The following MAGEA11 variants were observed in gnomAD, a reference collection of about 807,000 sequenced individuals.
MAGEA11 encodes MAGE family member A11.
A neutral mutation model predicts 8.4 loss-of-function variants in MAGEA11; 1 was observed. The ratio of observed to expected loss-of-function variants is 0.12; its 90% confidence interval spans 0.04 to 0.57. The LOEUF is 0.57. Among genes scored for constraint, MAGEA11 ranks in the 20% least tolerant of loss-of-function variants. The pLI is 0.91. For synonymous variants in MAGEA11, 127 were observed against 119.3 expected (o/e 1.06, Z -0.42); for missense variants, 209 against 317.3 (o/e 0.66, Z 2.59).
rs192658537 is a variant in MAGEA11, at chrX:149,694,407, G to T, written c.9+5423G>T. The stretch of plus-strand genomic sequence containing the variant: ...AAATCCTTTGCTCATTTTAAATGGG[G>T]TTATGTGTTTTAATTGTTAAAATGT... On this transcript the variant is annotated intron_variant, in intron 1 of 3. Coordinates refer to the MAGEA11 transcript ENST00000333104. Among the ~76,000 whole-genome samples the T allele has an allele frequency of 6.2e-5, 7 of 112,054 alleles. No individual in the cohort carries two copies. The Admixed American group carries it at 6.6e-4, about 11-fold the overall frequency.
At chrX:149,699,503 G>A (rs782547480) in intron 1 of MAGEA11, among the ~76,000 whole-genome samples, 1 of 111,869 alleles carries the variant, frequency 8.9e-6, no homozygotes, top group East Asian at 2.8e-4. Flanking sequence ...GAGATATTAG[G>A]CTGTCAGATA....
At position 149,689,164 on chromosome X, in the gene MAGEA11, A is replaced by G. The variant is rs1448119912; in HGVS notation, c.9+180A>G. The stretch of plus-strand genomic sequence containing the variant: ...CAGAGAACCTGTGTCCTGTGACTAT[A>G]AAAGTGGGTCTATATGTCAGCAGAT... On this transcript the variant is annotated intron_variant, in intron 1 of 3. Coordinates refer to the MAGEA11 transcript ENST00000333104. 2.7e-5 allele frequency among the ~76,000 whole-genome samples: 3 copies of G among 112,025 alleles called. No individual in the cohort carries two copies. In the East Asian group the frequency reaches 8.4e-4, roughly 31 times the overall value.
At chrX:149,704,176 C>G (rs1305891113) in intron 1 of MAGEA11, among the ~76,000 whole-genome samples, 42 of 111,979 alleles carry the variant, frequency 3.8e-4, no homozygotes. Flanking sequence ...AATGGCCTCT[C>G]TCCTGTTCTA....
At chrX:149,713,089 A>T in intron 1 of MAGEA11, 54 bp from the exon 2 acceptor site, 1 of 828,034 alleles carries the variant, frequency 1.2e-6, no homozygotes. Context: ...AGCACCCCAG[A>T]ACAGCCCCCC....
At chrX:149,690,368 C>A (rs190698705) in intron 1 of MAGEA11, among the ~76,000 whole-genome samples, 2 of 112,607 alleles carry the variant, frequency 1.8e-5, no homozygotes, top group Admixed American at 1.9e-4. Flanking sequence ...GAGTTCACAG[C>A]ACTCTCTCTG....
At chrX:149,692,698 C>G (rs1334540244) in intron 1 of MAGEA11, among the ~76,000 whole-genome samples, 1 of 111,760 alleles carries the variant, frequency 8.9e-6, no homozygotes, top group Non-Finnish European at 1.9e-5. Context: ...CCACTATATT[C>G]TTTAACATGT....
At chrX:149,698,012 C>A (rs2090337059) in intron 1 of MAGEA11, among the ~76,000 whole-genome samples, 1 of 112,469 alleles carries the variant, frequency 8.9e-6, no homozygotes, top group Admixed American at 9.4e-5. Context: ...CCACGTGGAA[C>A]TATTAATCAA....
intron 1 of MAGEA11, among the ~76,000 whole-genome samples, chrX:149,691,743 A>C (rs2090311396): frequency 8.9e-6 from 1 of 112,262 alleles, no homozygotes; most frequent in African/African-American, 3.2e-5. Flanking sequence ...TTTGTTCTGC[A>C]AATTTTAGTC....
rs782393534 is a variant in MAGEA11, at chrX:149,713,273, C to T, written c.96+18C>T. The T allele has an allele frequency of 4.6e-6, 5 of 1,076,019 alleles. No homozygotes were observed. The Admixed American group carries it at 1.0e-4, about 22-fold the overall frequency. 88.7% of individuals were successfully genotyped at this position (1,076,019 alleles called of 1,213,427 possible). A position where few individuals can be genotyped will look rare whatever the true frequency, so the allele number is the denominator to read the frequency against. On this transcript the variant is annotated intron_variant, in intron 2 of 4. Coordinates refer to ENST00000355220, the MANE Select transcript of MAGEA11 (RefSeq NM_005366.5). The stretch of plus-strand genomic sequence containing the variant: ...GACTCCAGGTCAGTAGGGACCTTGG[C>T]CCTTGGAGTTCCAAGGCACGGTGGC...
intron 1 of MAGEA11, among the ~76,000 whole-genome samples, chrX:149,701,167 G>T (rs1156798602): frequency 7.2e-5 from 8 of 110,657 alleles, no homozygotes; most frequent in African/African-American, 1.6e-4. Flanking sequence ...GTTGAACTAG[G>T]TTACAGTCCC....
At chrX:149,692,898 T>C (rs2090316170) in intron 1 of MAGEA11, among the ~76,000 whole-genome samples, 2 of 111,869 alleles carry the variant, frequency 1.8e-5, no homozygotes, top group Admixed American at 1.9e-4. Context: ...TCTCTCTCTT[T>C]TTGCTTGCTG....
rs782055436 is a variant in MAGEA11 at position 149,714,573 on chromosome X, C to A, written c.189C>A (p.Val63=). ...AGTGGTCCCAGGATCTGCCAAGAGT[C>A]CAGGTGAGAAACCTGAGGGAGGATT... is the stretch of plus-strand genomic sequence containing the variant. ...QLQWSQDLPR[V]QVFREQANLE... The change falls in exon 3 of 5, where the codon GTC becomes GTA. Residue 63 remains valine (V), a synonymous_variant. Coordinates refer to ENST00000355220, the MANE Select transcript of MAGEA11 (RefSeq NM_005366.5). The A allele has an allele frequency of 6.6e-6, 8 of 1,210,306 alleles. No homozygotes were observed. Among genetic ancestry groups the A allele is most frequent in the Non-Finnish European group, 8.9e-6 (8 of 894,817 alleles).
At chrX:149,707,022 C>T (rs2090380430) in intron 1 of MAGEA11, among the ~76,000 whole-genome samples, 1 of 112,483 alleles carries the variant, frequency 8.9e-6, no homozygotes, top group Non-Finnish European at 1.9e-5. Flanking sequence ...GGAGCACAAA[C>T]CAGAAGCTGG....
At chrX:149,714,669 A>G in intron 3 of MAGEA11, 93 bp downstream of exon 3, 1 of 1,143,813 alleles carries the variant, frequency 8.7e-7, no homozygotes, top group Non-Finnish European at 1.2e-6. Context: ...CTCCCCAGAG[A>G]GCATGTGCAG....
intron 1 of MAGEA11, among the ~76,000 whole-genome samples, chrX:149,704,170 G>A (rs2090365996): frequency 8.9e-6 from 1 of 111,857 alleles, no homozygotes; most frequent in East Asian, 2.8e-4. Context: ...CTACCCAATG[G>A]CCTCTCTCCT....
chrX:149,702,455 C>G (rs1441951975), intron 1 of MAGEA11, among the ~76,000 whole-genome samples: 1 of 110,889 alleles, frequency 9.0e-6, no homozygotes, highest in African/African-American at 3.3e-5. Context: ...ATTTTAAAGT[C>G]TATTTTGTCT....
chrX:149,688,971 T>C (rs782218021), exon 1 of MAGEA11: 8 of 1,027,261 alleles, frequency 7.8e-6, no homozygotes, highest in Non-Finnish European at 1.0e-5. Flanking sequence ...AGGCTAGGAA[T>C]ACCAATGAGC....
intron 1 of MAGEA11, chrX:149,689,134 C>A: frequency 2.2e-6 from 1 of 457,017 alleles, no homozygotes; most frequent in Non-Finnish European, 3.7e-6. Context: ...GCGTCCTTGT[C>A]ACAACAGAGA....
chrX:149,694,005 T>G, intron 1 of MAGEA11, among the ~76,000 whole-genome samples: 1 of 112,337 alleles, frequency 8.9e-6, no homozygotes, highest in East Asian at 2.8e-4. Context: ...TTTGGTATTA[T>G]GAATAATGCG....
Sources: gnomAD v4.1 joint callset for allele counts (sites outside exome capture counted in the v4.1 genomes callset) on GRCh38, gnomAD v4.1.1 for gene constraint, MANE v1.5 for transcripts, NCBI Gene and HGNC (gene_info 2026-07-23, HGNC 2026-07-21) for gene names.